Variants in ITGA8 observed in about 807,000 individuals in gnomAD.
The protein encoded by ITGA8 is integrin alpha-8.
In ITGA8, 91 loss-of-function variants were observed where a neutral mutation model predicts 142.3. The observed-to-expected ratio is 0.64, with a 90% CI of 0.54 to 0.76. The LOEUF (loss-of-function observed/expected upper bound fraction) is 0.76, where lower values mean the gene tolerates loss of function less well. ITGA8 is among the 30% of genes least tolerant of loss of function. The probability of loss-of-function intolerance (pLI) is 0.00; values close to 1 mark genes in which losing one functional copy is unlikely to be tolerated. For missense variants in ITGA8, 1,406 were observed against 1,327.7 expected (o/e 1.06, Z -0.92); for synonymous variants, 505 against 485.2 (o/e 1.04, Z -0.54).
chr10:15,695,065 T>C (rs1172333790), intron 2 of ITGA8, among the ~76,000 whole-genome samples: 2 of 152,150 alleles, frequency 1.3e-5, no homozygotes, highest in Non-Finnish European at 2.9e-5. Context: ...GTTAAAGTTA[T>C]GTAATTCTGC....
chr10:15,618,536 T>A (rs1435482025), intron 13 of ITGA8, among the ~76,000 whole-genome samples: 1 of 152,202 alleles, frequency 6.6e-6, no homozygotes, highest in African/African-American at 2.4e-5. Flanking sequence ...GTATTGTTCA[T>A]GGGTGTGTCT....
intron 11 of ITGA8, among the ~76,000 whole-genome samples, chr10:15,651,980 T>C (rs1295674861): frequency 6.6e-6 from 1 of 152,084 alleles, no homozygotes; most frequent in Non-Finnish European, 1.5e-5. Context: ...ATGAACGGCA[T>C]TAGTAAATTA....
intron 2 of ITGA8, among the ~76,000 whole-genome samples, chr10:15,705,513 C>T (rs990897614): frequency 1.6e-4 from 24 of 152,186 alleles, no homozygotes; most frequent in African/African-American, 5.8e-4. Flanking sequence ...CATTTCCCTC[C>T]ACTCAGAAAT....
At chr10:15,519,809 G>A (rs1833023772) in intron 28 of ITGA8, among the ~76,000 whole-genome samples, 2 of 152,158 alleles carry the variant, frequency 1.3e-5, no homozygotes, top group Non-Finnish European at 2.9e-5. Context: ...TTAGAACTCA[G>A]CTAGCCTCAT....
chr10:15,593,790 C>T (rs1000508004), intron 21 of ITGA8, among the ~76,000 whole-genome samples: 1 of 151,714 alleles, frequency 6.6e-6, no homozygotes, highest in Non-Finnish European at 1.5e-5. Context: ...CAAAGTATCA[C>T]AGCTGGTATA....
Position 15,684,015 on chromosome 10 carries a change from G to A in ITGA8, c.557C>T (p.Pro186Leu). The change falls in exon 4 of 30, where the codon CCT becomes CTT. Residue 186 changes from proline to leucine, a missense_variant. Coordinates refer to ENST00000378076, the MANE Select transcript of ITGA8 (RefSeq NM_003638.3). ...TAAAAGTTGCTTACTGTTCCGGCAA[G>A]GAGAGAACTCGGCATAGGCGCTGAA... ...QNFSAYAEFS[P>L]CRNSNADPEG... 6.2e-7 allele frequency: 1 copy of A among 1,614,122 alleles called. No individual in the cohort carries two copies. The highest frequency in any genetic ancestry group is 8.5e-7 in the Non-Finnish European group (1 of 1,180,004).
chr10:15,539,068 T>G (rs77584416), intron 27 of ITGA8, among the ~76,000 whole-genome samples: 3,285 of 151,478 alleles, frequency 0.022, 63 homozygotes, highest in Non-Finnish European at 0.029. Flanking sequence ...ATATGTTGTA[T>G]GCAAATATAT....
chr10:15,527,899 G>T (rs10906924), intron 28 of ITGA8, among the ~76,000 whole-genome samples: 104,058 of 111,040 alleles, frequency 0.94, 49,234 homozygotes, highest in Middle Eastern at 1. Flanking sequence ...ATTCCCTTTC[G>T]GCTGGGCTTT....
chr10:15,541,579 G>A (rs963334751), intron 27 of ITGA8, among the ~76,000 whole-genome samples: 1 of 152,208 alleles, frequency 6.6e-6, no homozygotes, highest in African/African-American at 2.4e-5. Flanking sequence ...AAGGACTTGT[G>A]TACCAGCCAA....
intron 8 of ITGA8, among the ~76,000 whole-genome samples, chr10:15,666,141 T>C (rs1424510611): frequency 6.6e-6 from 1 of 152,246 alleles, no homozygotes; most frequent in Non-Finnish European, 1.5e-5. Flanking sequence ...TGATTCTTCC[T>C]ACCCATGAGC....
intron 11 of ITGA8, among the ~76,000 whole-genome samples, chr10:15,654,318 G>A (rs1470264706): frequency 2.0e-5 from 3 of 152,072 alleles, no homozygotes. Context: ...TTTAATTTTT[G>A]TCTGTAGCAG....
chr10:15,697,003 TTC>T (rs1245863467), intron 2 of ITGA8, among the ~76,000 whole-genome samples: 1 of 151,040 alleles, frequency 6.6e-6, no homozygotes, highest in Admixed American at 6.6e-5. Context: ...AGTAAGAGTA[TTC>T]TGTCTCTAAA....
chr10:15,658,850 A>G (rs1367766811), intron 10 of ITGA8, 149 bp downstream of exon 10: 4 of 592,042 alleles, frequency 6.8e-6, no homozygotes, highest in South Asian at 4.4e-5. Flanking sequence ...TGTCTGATGC[A>G]TGATTGCATC....
chr10:15,564,633 G>A (rs550586088), intron 25 of ITGA8, among the ~76,000 whole-genome samples: 77 of 152,296 alleles, frequency 5.1e-4, no homozygotes, highest in African/African-American at 1.9e-3. Context: ...TGTGTCATAG[G>A]TTTAAATTTA....
intron 12 of ITGA8, among the ~76,000 whole-genome samples, chr10:15,646,602 T>C (rs552119634): frequency 6.6e-6 from 1 of 152,196 alleles, no homozygotes; most frequent in Non-Finnish European, 1.5e-5. Flanking sequence ...CTGTGTTGCA[T>C]TGTAATCTTG....
intron 11 of ITGA8, among the ~76,000 whole-genome samples, chr10:15,651,847 C>A (rs1037123679): frequency 1.3e-5 from 2 of 152,130 alleles, no homozygotes; most frequent in Admixed American, 1.3e-4. Context: ...TGGCATCTTT[C>A]TTTGGCCAAT....
chr10:15,718,884 C>G lies in ITGA8; in HGVS notation c.225G>C (p.Val75=). The change falls in exon 2 of 30, where the codon GTG becomes GTC. Residue 75 remains valine (V), a synonymous_variant. Transcript: ENST00000378076. ...GGCTGGTGTTGGCTTTGGGCGCCCC[C>G]ACCAAGACACTCGCTCTGCAAAAGA... ...IPDARTASVL[V]GAPKANTSQP... 1 of 1,614,090 alleles carries G rather than the reference C, an allele frequency of 6.2e-7. No individual in the cohort carries two copies. Among genetic ancestry groups the G allele is most frequent in the Non-Finnish European group, 8.5e-7 (1 of 1,180,018 alleles).
intron 23 of ITGA8, among the ~76,000 whole-genome samples, chr10:15,580,473 G>A (rs1263243433): frequency 6.6e-6 from 1 of 152,094 alleles, no homozygotes. Flanking sequence ...AAAAGATATT[G>A]CGAGAAAGGA....
Position 15,572,308 on chromosome 10 carries a change from G to A in ITGA8, c.2540C>T (p.Ser847Phe), listed in dbSNP as rs1240099436. The A allele has an allele frequency of 6.2e-7, 1 of 1,614,092 alleles. No individual in the cohort carries two copies. The highest frequency in any genetic ancestry group is 1.7e-5 in the Admixed American group (1 of 60,020). ...ATAGAGAAGAAATTCATCCCGGGCA[G>A]AGAAAGGCCAGCCCACCTCCAGGAT... ...DTILEVGWPF[S>F]ARDEFLLYIF... The change falls in exon 25 of 30, where the codon TCT (serine) becomes TTT (phenylalanine). Residue 847 changes from serine (S) to phenylalanine (F), a missense_variant. Ser to Phe is a radical substitution (Grantham distance 155, BLOSUM62 -2). Coordinates refer to ENST00000378076, the MANE Select transcript of ITGA8 (RefSeq NM_003638.3).
Sources: gnomAD v4.1 joint callset for allele counts (sites outside exome capture counted in the v4.1 genomes callset) on GRCh38, gnomAD v4.1.1 for gene constraint, MANE v1.5 for transcripts, NCBI Gene and HGNC (gene_info 2026-07-23, HGNC 2026-07-21) for gene names.